The following ZNF91 variants were observed in gnomAD, a reference collection of about 807,000 sequenced individuals.
ZNF91 encodes the protein zinc finger protein 91 (HPF7, HTF10).
ZNF91 carries 7 observed loss-of-function variants against 12.6 expected under a neutral mutation model. That is an observed-to-expected ratio of 0.55 (90% CI 0.31 to 1.04). The LOEUF is 1.04. ZNF91 is among the 50% of genes least tolerant of loss of function. The pLI, the probability that ZNF91 is intolerant of heterozygous loss-of-function variation, is 0.05. For synonymous variants in ZNF91, 453 were observed against 462.6 expected (o/e 0.98, Z 0.27); for missense variants, 1,217 against 1,385.4 (o/e 0.88, Z 1.93).
At chr19:23,387,423 AAAAT>A (rs1969907180) in intron 1 of ZNF91, among the ~76,000 whole-genome samples, 1 of 152,228 alleles carries the variant, frequency 6.6e-6, no homozygotes, top group Admixed American at 6.5e-5. Context: ...CTGAATAAAG[AAAAT>A]ATGGTATGAT....
At chr19:23,395,262 G>A (rs1236585064) in intron 1 of ZNF91, 63 bp downstream of exon 1, 7 of 1,588,676 alleles carry the variant, frequency 4.4e-6, no homozygotes, top group African/African-American at 4.0e-5. Flanking sequence ...CGCCACAGCC[G>A]CATCCCACCG....
intron 1 of ZNF91, among the ~76,000 whole-genome samples, chr19:23,378,223 A>G (rs1483838776): frequency 6.6e-6 from 1 of 152,196 alleles, no homozygotes; most frequent in Non-Finnish European, 1.5e-5. Context: ...TGGGTTTCAG[A>G]AAAGTGTGAG....
chr19:23,364,401 C>T (rs532880888), intron 3 of ZNF91, among the ~76,000 whole-genome samples: 9 of 152,114 alleles, frequency 5.9e-5, no homozygotes, highest in African/African-American at 1.9e-4. Context: ...GCCGAGATCG[C>T]GCCATTGCAC....
intron 1 of ZNF91, among the ~76,000 whole-genome samples, chr19:23,323,422 C>A (rs1452898812): frequency 7.3e-6 from 1 of 137,438 alleles, no homozygotes; most frequent in Non-Finnish European, 1.5e-5. Context: ...TCCTACTTTC[C>A]TCCTTCTCCC....
intron 3 of ZNF91, among the ~76,000 whole-genome samples, chr19:23,373,363 TA>T (rs1435090597): frequency 2.5e-5 from 2 of 79,628 alleles, no homozygotes; most frequent in African/African-American, 9.1e-5. Context: ...TATATATATA[TA>T]TATATATATA....
At chr19:23,331,783 G>A (rs1324301286) in intron 1 of ZNF91, among the ~76,000 whole-genome samples, 2 of 152,222 alleles carry the variant, frequency 1.3e-5, no homozygotes, top group South Asian at 2.1e-4. Context: ...AAGTATCAGT[G>A]TATTGGAGAA....
intron 1 of ZNF91, among the ~76,000 whole-genome samples, chr19:23,388,490 G>A (rs1398884078): frequency 6.6e-6 from 1 of 152,140 alleles, no homozygotes; most frequent in Non-Finnish European, 1.5e-5. Flanking sequence ...CAGAGCTACA[G>A]TAAACAAAGT....
chr19:23,392,167 G>A (rs1434193675), intron 1 of ZNF91, among the ~76,000 whole-genome samples: 4 of 151,844 alleles, frequency 2.6e-5, no homozygotes, highest in Admixed American at 1.3e-4. Context: ...AGGCTGAGGT[G>A]GGTGGATCAC....
At chr19:23,343,812 A>C (rs1465671064) in intron 3 of ZNF91, among the ~76,000 whole-genome samples, 1 of 152,192 alleles carries the variant, frequency 6.6e-6, no homozygotes, top group Non-Finnish European at 1.5e-5. Flanking sequence ...CCACTCGCCC[A>C]CTGACTTCTA....
At chr19:23,308,606 T>C (rs1967428518) in intron 2 of ZNF91, 1 of 152,212 alleles carries the variant, frequency 6.6e-6, no homozygotes. Context: ...GGGCCTATCA[T>C]CATGGGGATT....
intron 3 of ZNF91, among the ~76,000 whole-genome samples, chr19:23,368,111 T>C (rs1286956664): frequency 6.6e-6 from 1 of 151,932 alleles, no homozygotes; most frequent in Non-Finnish European, 1.5e-5. Context: ...GGTTTCACCA[T>C]GTTGGCCAGG....
chr19:23,324,885 C>T (rs295419), intron 1 of ZNF91: 44,338 of 151,590 alleles, frequency 0.29, 6,845 homozygotes, highest in East Asian at 0.39. Context: ...CATAACTATC[C>T]GCCCTTTTCA....
intron 1 of ZNF91, chr19:23,385,011 G>A (rs1431521422): frequency 1.3e-5 from 16 of 1,223,282 alleles, no homozygotes; most frequent in Non-Finnish European, 1.8e-5. Flanking sequence ...GTCTGTTGGA[G>A]AACGGGACAG....
At chr19:23,376,834 G>GA (rs909099999) in intron 1 of ZNF91, among the ~76,000 whole-genome samples, 4 of 152,020 alleles carry the variant, frequency 2.6e-5, no homozygotes, top group Non-Finnish European at 5.9e-5. Flanking sequence ...ATGTTTAGCT[G>GA]AAAAAAAGCC....
At chr19:23,385,009 G>A (rs1969829572) in intron 1 of ZNF91, 2 of 1,222,320 alleles carry the variant, frequency 1.6e-6, no homozygotes, top group Non-Finnish European at 2.4e-6. Context: ...CAGTCTGTTG[G>A]AGAACGGGAC....
At chr19:23,327,479 A>T (rs1331403758) in intron 1 of ZNF91, 1 of 152,186 alleles carries the variant, frequency 6.6e-6, no homozygotes, top group East Asian at 1.9e-4. Flanking sequence ...ACAAAGAAAA[A>T]GTTTGCATTA....
At position 23,362,045 on chromosome 19, in the gene ZNF91, G is replaced by A. The variant is rs1196648229; in HGVS notation, c.934C>T (p.His312Tyr). ...AFSHSSTLAK[H>Y]KRIHTGEKPY... ...TTCTCTCCAGTATGAATTCTCTTATGTTTAGCAAGGGTTGAAGAATGGCTA... is the reference window on the plus strand; with the variant it reads ...TTCTCTCCAGTATGAATTCTCTTATATTTAGCAAGGGTTGAAGAATGGCTA... The change falls in exon 4 of 4, where the codon CAT (histidine) becomes TAT (tyrosine). Residue 312 changes from histidine (H) to tyrosine (Y), a missense_variant. Physicochemically the swap from His to Tyr is moderately conservative, Grantham distance 83. Transcript: ENST00000300619. 1.2e-6 allele frequency: 2 copies of A among 1,613,948 alleles called. No individual in the cohort carries two copies. Among genetic ancestry groups the A allele is most frequent in the South Asian group, 2.2e-5 (2 of 91,074 alleles).
chr19:23,373,711 CT>C, intron 3 of ZNF91, 30 bp downstream of exon 3: 1 of 1,567,308 alleles, frequency 6.4e-7, no homozygotes, highest in Non-Finnish European at 8.7e-7. Flanking sequence ...GCCTCTCATC[CT>C]TGTCGTCTGT....
intron 1 of ZNF91, among the ~76,000 whole-genome samples, chr19:23,329,258 T>C (rs1023250359): frequency 4.6e-5 from 7 of 152,212 alleles, no homozygotes; most frequent in South Asian, 2.1e-4. Context: ...GATTTAGTGA[T>C]GCTTTATCTG....
Sources: gnomAD v4.1 joint callset for allele counts (sites outside exome capture counted in the v4.1 genomes callset) on GRCh38, gnomAD v4.1.1 for gene constraint, MANE v1.5 for transcripts, NCBI Gene and HGNC (gene_info 2026-07-23, HGNC 2026-07-21) for gene names.